Variants in SDK1 observed in about 807,000 individuals in gnomAD.
The protein encoded by SDK1 is sidekick cell adhesion molecule 1.
Under a neutral mutation model 245.5 loss-of-function variants are expected in SDK1, and 157 were observed. The observed-to-expected ratio is 0.64, with a 90% CI of 0.56 to 0.73. The LOEUF (loss-of-function observed/expected upper bound fraction) is 0.73, where lower values mean the gene tolerates loss of function less well. Among genes scored for constraint, SDK1 ranks in the 30% least tolerant of loss-of-function variants. The pLI is 0.00. For synonymous variants in SDK1, 1,647 were observed against 1,278.5 expected (o/e 1.29, Z -6.15); for missense variants, 3,583 against 3,002.3 (o/e 1.19, Z -4.52).
intron 5 of SDK1, among the ~76,000 whole-genome samples, chr7:3,899,977 A>C (rs558731914): frequency 1.3e-5 from 2 of 152,356 alleles, no homozygotes; most frequent in South Asian, 4.1e-4. Context: ...TGAATTTTTA[A>C]AAATTCTAAC....
chr7:3,971,192 A>G (rs1156885633), intron 11 of SDK1, among the ~76,000 whole-genome samples: 3 of 152,042 alleles, frequency 2.0e-5, no homozygotes, highest in Non-Finnish European at 2.9e-5. Context: ...CCACACCTGC[A>G]TGGGGTGGTC....
chr7:3,816,778 C>G (rs1490042416), intron 4 of SDK1, among the ~76,000 whole-genome samples: 1 of 152,066 alleles, frequency 6.6e-6, no homozygotes, highest in Non-Finnish European at 1.5e-5. Context: ...GCATGAGATC[C>G]AGATTATACT....
intron 4 of SDK1, among the ~76,000 whole-genome samples, chr7:3,682,368 G>A (rs776533451): frequency 6.6e-6 from 1 of 152,188 alleles, no homozygotes; most frequent in Non-Finnish European, 1.5e-5. Context: ...CAATTTTTGA[G>A]ATTTGTAAAT....
At chr7:3,615,109 G>A (rs1781725752) in intron 1 of SDK1, among the ~76,000 whole-genome samples, 1 of 151,548 alleles carries the variant, frequency 6.6e-6, no homozygotes, top group South Asian at 2.1e-4. Flanking sequence ...TTTCTATCTC[G>A]AAGCTTTTCC....
chr7:3,357,685 CT>C (rs1469593807), intron 1 of SDK1, among the ~76,000 whole-genome samples: 2 of 151,946 alleles, frequency 1.3e-5, no homozygotes, highest in Non-Finnish European at 2.9e-5. Flanking sequence ...TCCTGTTCTC[CT>C]TTTTCCCCTG....
chr7:3,665,783 A>C (rs1783511684), intron 4 of SDK1, among the ~76,000 whole-genome samples: 1 of 152,150 alleles, frequency 6.6e-6, no homozygotes, highest in Non-Finnish European at 1.5e-5. Context: ...CAAAGTCTGG[A>C]GACAAAAGTG....
intron 4 of SDK1, among the ~76,000 whole-genome samples, chr7:3,659,270 C>G (rs182753907): frequency 6.6e-6 from 1 of 152,032 alleles, no homozygotes; most frequent in East Asian, 1.9e-4. Context: ...CTGCCCTGGT[C>G]GGTACTGGTA....
intron 4 of SDK1, among the ~76,000 whole-genome samples, chr7:3,654,260 G>A (rs772823316): frequency 2.6e-5 from 4 of 152,146 alleles, no homozygotes. Context: ...GGGCACAGCG[G>A]GAGTCCCCTT....
At chr7:3,364,282 A>G (rs1268512193) in intron 1 of SDK1, among the ~76,000 whole-genome samples, 1 of 152,048 alleles carries the variant, frequency 6.6e-6, no homozygotes, top group Admixed American at 6.6e-5. Context: ...AATGTTTTTA[A>G]TTTTGATGAA....
Position 4,145,840 on chromosome 7 carries a change from C to T in SDK1, c.4347C>T (p.Ile1449=), listed in dbSNP as rs747209722. 5.6e-6 allele frequency: 9 copies of T among 1,613,736 alleles called. No individual in the cohort carries two copies. Among genetic ancestry groups the T allele is most frequent in the Non-Finnish European group, 7.6e-6 (9 of 1,179,958 alleles). The change falls in exon 29 of 45, where the codon ATC becomes ATT. Residue 1449 remains isoleucine (I), a synonymous_variant. Coordinates refer to ENST00000404826, the MANE Select transcript of SDK1 (RefSeq NM_152744.4). ...ATDLAPESAY[I]FRLSAKTRQG... ...ACCTGGCCCCGGAGTCCGCATACAT[C>T]TTCAGGCTGTCCGCCAAGACGAGGC...
intron 31 of SDK1, among the ~76,000 whole-genome samples, chr7:4,160,240 A>C (rs1211001861): frequency 1.3e-5 from 2 of 152,236 alleles, no homozygotes; most frequent in Non-Finnish European, 2.9e-5. Flanking sequence ...GCAACTAAGC[A>C]CTAAATCTTA....
rs1292026153 is a variant in SDK1, at chr7:3,723,865, TGTATATACACGTAC to T, written c.713+81761_713+81774del. 2.5e-3 allele frequency among the ~76,000 whole-genome samples: 334 copies of T among 132,522 alleles called. 11 individuals are homozygous for T. The highest frequency in any genetic ancestry group is 8.7e-3 in the African/African-American group (270 of 31,098). 86.9% of individuals were successfully genotyped at this position (132,522 alleles called of 152,430 possible). ...ATACACGTACATATACATATACACG[TGTATATACACGTAC>T]ATATATATATACACGTGTATATACA... On this transcript the variant is annotated intron_variant, in intron 4 of 44. Transcript: ENST00000404826.
At chr7:3,944,688 C>G (rs1261112388) in intron 5 of SDK1, among the ~76,000 whole-genome samples, 1 of 152,202 alleles carries the variant, frequency 6.6e-6, no homozygotes, top group African/African-American at 2.4e-5. Context: ...CGAAGTCCAT[C>G]TGTTGACCTC....
At chr7:3,605,888 A>G (rs1420547029) in intron 1 of SDK1, among the ~76,000 whole-genome samples, 1 of 152,162 alleles carries the variant, frequency 6.6e-6, no homozygotes, top group Non-Finnish European at 1.5e-5. Context: ...TGTCTTTGAC[A>G]AAAGTTTTTT....
chr7:3,377,373 G>A (rs773700620), intron 1 of SDK1, among the ~76,000 whole-genome samples: 41 of 152,124 alleles, frequency 2.7e-4, no homozygotes, highest in Non-Finnish European at 5.0e-4. Flanking sequence ...TAGTTGTGTG[G>A]ACATTCCAGC....
At chr7:3,661,929 A>G (rs944026950) in intron 4 of SDK1, among the ~76,000 whole-genome samples, 19 of 152,088 alleles carry the variant, frequency 1.2e-4, no homozygotes, top group African/African-American at 4.3e-4. Context: ...TAGAGGGCTT[A>G]GACTACTACC....
intron 30 of SDK1, among the ~76,000 whole-genome samples, chr7:4,152,441 T>C (rs1051811022): frequency 1.3e-5 from 2 of 152,140 alleles, no homozygotes; most frequent in Non-Finnish European, 2.9e-5. Context: ...TGCTCACATA[T>C]ATAAATAACC....
chr7:3,916,094 G>T (rs149530178), intron 5 of SDK1, among the ~76,000 whole-genome samples: 19 of 152,308 alleles, frequency 1.2e-4, no homozygotes, highest in African/African-American at 4.3e-4. Flanking sequence ...TTTTTCCAAA[G>T]AGGGTTTTTG....
Position 3,614,874 on chromosome 7 carries a change from A to G in SDK1, c.299-4206A>G, listed in dbSNP as rs763097800. On this transcript the variant is annotated intron_variant, in intron 1 of 44. Transcript: ENST00000404826. ...ATTTTACGGCCATTTGGATCTCGAGATATTTGCTTGCCAGCTATATGAAAC... is the reference window on the plus strand; with the variant it reads ...ATTTTACGGCCATTTGGATCTCGAGGTATTTGCTTGCCAGCTATATGAAAC... 3.2e-4 allele frequency among the ~76,000 whole-genome samples: 49 copies of G among 151,696 alleles called. 2 individuals are homozygous for G. The highest frequency in any genetic ancestry group is 6.9e-4 in the Non-Finnish European group (47 of 67,868).
Sources: allele counts gnomAD v4.1 joint callset (sites outside exome capture counted in the v4.1 genomes callset), GRCh38; gene constraint gnomAD v4.1.1; transcripts MANE v1.5; gene names NCBI Gene and HGNC (gene_info 2026-07-23, HGNC 2026-07-21).